The following MALT1 variants were observed in gnomAD, a reference collection of about 807,000 sequenced individuals.
MALT1 encodes mucosa-associated lymphoid tissue lymphoma translocation protein 1.
In MALT1, 36 loss-of-function variants were observed where a neutral mutation model predicts 85.5. That is an observed-to-expected ratio of 0.42 (90% CI 0.32 to 0.56). MALT1 has a LOEUF of 0.56. Among genes scored for constraint, MALT1 ranks in the 20% least tolerant of loss-of-function variants. The probability of loss-of-function intolerance (pLI) is 0.10; values close to 1 mark genes in which losing one functional copy is unlikely to be tolerated. For synonymous variants in MALT1, 359 were observed against 361.3 expected, an observed-to-expected ratio of 0.99 and a Z score of 0.07; for missense variants, 716 against 981.6, an observed-to-expected ratio of 0.73 and a Z score of 3.62.
At chr18:58,673,029 CCT>C (rs2054188775) in intron 1 of MALT1, among the ~76,000 whole-genome samples, 1 of 152,128 alleles carries the variant, frequency 6.6e-6, no homozygotes, top group Non-Finnish European at 1.5e-5. Flanking sequence ...CCTTTGAACC[CCT>C]TAGCAGTTTT....
rs2055387245 is a variant in MALT1 at position 58,747,582 on chromosome 18, A to T, written c.2215A>T (p.Ser739Cys). The change falls in exon 17 of 17, where the codon AGT becomes TGT. Residue 739 changes from serine to cysteine, a missense_variant. Physicochemically the swap from Ser to Cys is moderately radical, Grantham distance 112. Around this residue, in one of 4 missense-constraint regions of MALT1, gnomAD observed 260 missense variants for 323.7 expected, o/e 0.80. Coordinates refer to ENST00000649217, the MANE Select transcript of MALT1 (RefSeq NM_006785.4). ...TCTTATGTCTAATGGTCCTTACCAG[A>T]GTTCTGCAGCCACCTCAGGAGGAGC... is the stretch of plus-strand genomic sequence containing the variant. ...TCLMSNGPYQSSAATSGGAGH... is the reference protein window; with the variant it reads ...TCLMSNGPYQCSAATSGGAGH... 6.2e-7 allele frequency: 1 copy of T among 1,614,046 alleles called. No individual in the cohort carries two copies. The highest frequency in any genetic ancestry group is 1.7e-5 in the Admixed American group (1 of 59,978).
intron 10 of MALT1, among the ~76,000 whole-genome samples, chr18:58,725,035 C>T (rs1170011723): frequency 6.6e-6 from 1 of 151,184 alleles, no homozygotes; most frequent in Non-Finnish European, 1.5e-5. Context: ...GAGGCTGAGG[C>T]AGGAGAATGG....
chr18:58,720,327 G>A (rs1027454843), intron 9 of MALT1, among the ~76,000 whole-genome samples: 10 of 151,888 alleles, frequency 6.6e-5, no homozygotes, highest in Admixed American at 1.3e-4. Flanking sequence ...TTTCTCTGTC[G>A]TGTCCTTTTT....
At chr18:58,689,344 G>A (rs1568127300) in intron 2 of MALT1, among the ~76,000 whole-genome samples, 1 of 150,336 alleles carries the variant, frequency 6.7e-6, no homozygotes, top group Non-Finnish European at 1.5e-5. Context: ...TTTTTTCATT[G>A]TAACATAGAT....
chr18:58,705,722 C>CTA (rs1372853034), intron 4 of MALT1, among the ~76,000 whole-genome samples: 2 of 151,758 alleles, frequency 1.3e-5, no homozygotes, highest in African/African-American at 4.8e-5. Context: ...TCCAGTCTAT[C>CTA]ATTGTTGGAC....
chr18:58,673,337 G>A (rs1379758575), intron 1 of MALT1, among the ~76,000 whole-genome samples: 1 of 152,194 alleles, frequency 6.6e-6, no homozygotes, highest in South Asian at 2.1e-4. Context: ...GCTGTGTTGG[G>A]TATGAATGAT....
chr18:58,698,067 G>GTTTTTT lies in MALT1; in HGVS notation c.498+1582_498+1587dup, dbSNP rs796905674. On this transcript the variant is annotated intron_variant, in intron 3 of 16. Transcript: ENST00000649217. Reference sequence around the variant, plus strand: ...GTTGTTGTTGTTGTTGTTTTGTTTTGTTTTTTTGTTTTTTTTTTGAGATGG... The same window carrying GTTTTTT: ...GTTGTTGTTGTTGTTGTTTTGTTTTGTTTTTTTTTTTTTGTTTTTTTTTTGAGATGG... Among the ~76,000 whole-genome samples, 48 of 74,968 alleles carry GTTTTTT rather than the reference G, an allele frequency of 6.4e-4. 3 individuals carry two copies. Among genetic ancestry groups the GTTTTTT allele is most frequent in the South Asian group, 1.7e-3 (4 of 2,424 alleles). 49.2% of individuals were successfully genotyped at this position (74,968 alleles called of 152,430 possible).
intron 14 of MALT1, among the ~76,000 whole-genome samples, chr18:58,742,588 A>AT (rs1442540166): frequency 6.6e-6 from 1 of 152,124 alleles, no homozygotes; most frequent in Non-Finnish European, 1.5e-5. Context: ...CGTGCCTGTA[A>AT]TCCCAACTAC....
chr18:58,671,661 C>G lies in MALT1; in HGVS notation c.18C>G (p.Asp6Glu). ...CGAGGGCCATGTCGCTGTTGGGGGA[C>G]CCGCTACAGGCCCTGCCGCCCTCGG... is the stretch of plus-strand genomic sequence containing the variant. MSLLG[D>E]PLQALPPSAA... Residue 6 changes from aspartate (D) to glutamate (E), a missense_variant, in exon 1 of 17, where the codon GAC (aspartate) becomes GAG (glutamate). Physicochemically the swap from Asp to Glu is conservative, Grantham distance 45 (BLOSUM62 2). Around this residue, in one of 4 missense-constraint regions of MALT1, gnomAD observed 80 missense variants for 65.1 expected, o/e 1.23. Transcript: ENST00000649217. 2.5e-6 allele frequency: 3 copies of G among 1,220,998 alleles called. No individual in the cohort carries two copies. Among genetic ancestry groups the G allele is most frequent in the Non-Finnish European group, 2.0e-6 (2 of 981,040 alleles). The allele number at this position is 1,220,998 out of a possible 1,614,324, so 75.6% of individuals were successfully genotyped here. A position where few individuals can be genotyped will look rare whatever the true frequency, so the allele number is the denominator to read the frequency against.
At chr18:58,713,537 A>G (rs2144397948) in intron 7 of MALT1, among the ~76,000 whole-genome samples, 1 of 152,312 alleles carries the variant, frequency 6.6e-6, no homozygotes, top group Admixed American at 6.5e-5. Context: ...CTGAGGAGAC[A>G]CAAGCAGTTG....
At chr18:58,693,359 T>C (rs985356789) in intron 2 of MALT1, among the ~76,000 whole-genome samples, 4 of 151,998 alleles carry the variant, frequency 2.6e-5, no homozygotes, top group Non-Finnish European at 5.9e-5. Flanking sequence ...AAGGCGGAGG[T>C]TGCAGTGAGC....
At chr18:58,726,879 G>A (rs1029157443) in intron 10 of MALT1, among the ~76,000 whole-genome samples, 1 of 152,204 alleles carries the variant, frequency 6.6e-6, no homozygotes, top group Non-Finnish European at 1.5e-5. Flanking sequence ...GGCCTGCAGC[G>A]GAGCAGCTGT....
chr18:58,702,826 T>G (rs2054692998), intron 4 of MALT1, among the ~76,000 whole-genome samples: 1 of 152,204 alleles, frequency 6.6e-6, no homozygotes, highest in African/African-American at 2.4e-5. Flanking sequence ...CTCCATCTTT[T>G]TAGTGCAATA....
chr18:58,723,700 G>T (rs1441006419), intron 10 of MALT1, among the ~76,000 whole-genome samples: 1 of 152,118 alleles, frequency 6.6e-6, no homozygotes, highest in Non-Finnish European at 1.5e-5. Context: ...GTCTTTTAGT[G>T]AGAACTAGAT....
intron 10 of MALT1, among the ~76,000 whole-genome samples, chr18:58,726,348 G>A (rs2055054193): frequency 1.3e-5 from 2 of 152,316 alleles, no homozygotes; most frequent in South Asian, 2.1e-4. Flanking sequence ...GTGTGGTAGA[G>A]GCTTGAGGGT....
In MALT1 at chr18:58,710,066, A is replaced by C. The variant is rs1259791366; in HGVS notation, c.919A>C (p.Ile307Leu). ...DSQDSKKVEIIIGRTDEAVEC... is the reference protein window; with the variant it reads ...DSQDSKKVEILIGRTDEAVEC... ...TCAAGATAGCAAGAAGGTAGAAATC[A>C]TCATAGGTAAGAAGTATTTCCCCAG... The change falls in exon 6 of 17, where the codon ATC (isoleucine) becomes CTC (leucine). Residue 307 changes from isoleucine (I) to leucine (L), a missense_variant. By Grantham distance (5) the Ile-to-Leu change is conservative. Transcript: ENST00000649217. The C allele has an allele frequency of 1.9e-6, 3 of 1,598,198 alleles. No homozygotes were observed. The Admixed American group carries it at 5.0e-5, about 27-fold the overall frequency.
Position 58,744,493 on chromosome 18 carries a change from C to T in MALT1, c.1909C>T (p.Leu637Phe). The T allele has an allele frequency of 6.3e-7, 1 of 1,592,048 alleles. No homozygotes were observed. The highest frequency in any genetic ancestry group is 8.6e-7 in the Non-Finnish European group (1 of 1,168,310). ...MCDAYVTDFP[L>F]DLDIDPKDAN... is the part of the protein sequence containing the mutation. ...TGATGCCTACGTTACTGATTTTCCA[C>T]TTGTGAGTCTCTTCTTTTATTTAAA... is the stretch of plus-strand genomic sequence containing the variant. The change falls in exon 15 of 17, where the codon CTT becomes TTT. Residue 637 changes from leucine to phenylalanine, a missense_variant and splice_region_variant. Physicochemically the swap from Leu to Phe is conservative, Grantham distance 22 (BLOSUM62 0). This residue lies in a region of MALT1 where 260 missense variants were observed against 323.7 expected (regional missense o/e 0.80). Transcript: ENST00000649217.
chr18:58,676,977 GATAAAA>G lies in MALT1; in HGVS notation c.210-4189_210-4184del, dbSNP rs1232948092. Among the ~76,000 whole-genome samples, 3 of 152,242 alleles carry G rather than the reference GATAAAA, an allele frequency of 2.0e-5. No individual in the cohort carries two copies. The East Asian group carries it at 5.8e-4, about 29-fold the overall frequency. On this transcript the variant is annotated intron_variant, in intron 1 of 16. Coordinates refer to ENST00000649217, the MANE Select transcript of MALT1 (RefSeq NM_006785.4). The stretch of plus-strand genomic sequence containing the variant: ...CTATTTGATTATATATTTTTTTAAA[GATAAAA>G]ATAGAGATATTTTTAAAAAGTAAAG...
intron 12 of MALT1, 84 bp downstream of exon 12, chr18:58,734,465 ACT>A (rs1287142024): frequency 1.9e-6 from 2 of 1,042,758 alleles, no homozygotes; most frequent in East Asian, 2.4e-5. Context: ...AGGGGTCTTA[ACT>A]CTGTCACCCA....
Sources: gnomAD v4.1 joint callset for allele counts (sites outside exome capture counted in the v4.1 genomes callset) on GRCh38, gnomAD v4.1.1 for gene constraint, gnomAD v4.1.1 regional missense constraint, MANE v1.5 for transcripts, NCBI Gene and HGNC (gene_info 2026-07-23, HGNC 2026-07-21) for gene names.